IL1RL1: variants seen among roughly 807,000 people sequenced by gnomAD.
The protein encoded by IL1RL1 is interleukin 1 receptor like 1.
Under a neutral mutation model 50.9 loss-of-function variants are expected in IL1RL1, and 32 were observed. That is an observed-to-expected ratio of 0.63 (90% CI 0.47 to 0.84). The LOEUF (loss-of-function observed/expected upper bound fraction) is 0.84, where lower values mean the gene tolerates loss of function less well. Ranked by LOEUF, IL1RL1 falls within the 40% of genes least tolerant of loss-of-function variation. The probability of loss-of-function intolerance (pLI) is 0.00; values close to 1 mark genes in which losing one functional copy is unlikely to be tolerated. For missense variants in IL1RL1, 773 were observed against 662.9 expected (o/e 1.17, Z -1.82); for synonymous variants, 275 against 236.0 (o/e 1.17, Z -1.51).
At chr2:102,311,953 A>T (rs1380730392) in intron 1 of IL1RL1, among the ~76,000 whole-genome samples, 2 of 35,718 alleles carry the variant, frequency 5.6e-5, no homozygotes, top group Admixed American at 4.3e-4. Context: ...ATTATATATA[A>T]TATATATTAT....
At chr2:102,341,326 T>G in intron 5 of IL1RL1, 1 of 1,239,890 alleles carries the variant, frequency 8.1e-7, no homozygotes, top group Non-Finnish European at 1.0e-6. Context: ...AATCTTTGTT[T>G]GCAATACTTT....
At chr2:102,345,017 A>G (rs1677728532) in intron 8 of IL1RL1, 2 of 952,078 alleles carry the variant, frequency 2.1e-6, no homozygotes, top group Non-Finnish European at 2.5e-6. Context: ...TCTTTTTTAT[A>G]TATAAATAAT....
chr2:102,333,033 G>A (rs1204721148), intron 1 of IL1RL1, among the ~76,000 whole-genome samples: 2 of 152,114 alleles, frequency 1.3e-5, no homozygotes, highest in African/African-American at 4.8e-5. Flanking sequence ...GGTTGGAGGG[G>A]AGGGGTCAGA....
At chr2:102,336,617 TC>T (rs1446169746) in intron 1 of IL1RL1, among the ~76,000 whole-genome samples, 1 of 152,058 alleles carries the variant, frequency 6.6e-6, no homozygotes, top group African/African-American at 2.4e-5. Context: ...TCTTTGTCAC[TC>T]CCCTTGAGGG....
intron 10 of IL1RL1, among the ~76,000 whole-genome samples, chr2:102,350,288 C>G (rs1677891857): frequency 6.6e-6 from 1 of 152,256 alleles, no homozygotes; most frequent in Admixed American, 6.5e-5. Context: ...TGTGCCACAT[C>G]TGGCCACAAG....
chr2:102,342,277 T>C lies in IL1RL1; in HGVS notation c.665T>C (p.Ile222Thr). The change falls in exon 6 of 11, where the codon ATA becomes ACA. Residue 222 changes from isoleucine to threonine, a missense_variant. By Grantham distance (89) the Ile-to-Thr change is moderately conservative. Coordinates refer to ENST00000233954, the MANE Select transcript of IL1RL1 (RefSeq NM_016232.5). ...ATCGGAGCCCCTGCACAAAATGAAA[T>C]AAAGGAAGTGGAAATTGGTAAGAAA... is the stretch of plus-strand genomic sequence containing the variant. Reference protein sequence around the residue: ...PVIGAPAQNEIKEVEIGKNAN... With the variant: ...PVIGAPAQNETKEVEIGKNAN... 1.9e-6 allele frequency: 3 copies of C among 1,610,302 alleles called. No homozygotes were observed. The highest frequency in any genetic ancestry group is 2.5e-6 in the Non-Finnish European group (3 of 1,176,738).
chr2:102,348,073 C>T lies in IL1RL1; in HGVS notation c.1099C>T (p.Pro367Ser), dbSNP rs201256810. ...ATLLWRDIAK[P>S]YKTRNDGKLY... ...TCTGCTCTGGAGAGACATAGCTAAACCTTACAAGACTAGGAATGGTAAGTG... is the reference window on the plus strand; with the variant it reads ...TCTGCTCTGGAGAGACATAGCTAAATCTTACAAGACTAGGAATGGTAAGTG... The change falls in exon 9 of 11, where the codon CCT becomes TCT. Residue 367 changes from proline to serine, a missense_variant. Physicochemically the swap from Pro to Ser is moderately conservative, Grantham distance 74. Transcript: ENST00000233954. 2 of 1,611,214 alleles carry T rather than the reference C, an allele frequency of 1.2e-6. No homozygotes were observed. Among genetic ancestry groups the T allele is most frequent in the Non-Finnish European group, 1.7e-6 (2 of 1,178,916 alleles).
intron 1 of IL1RL1, among the ~76,000 whole-genome samples, chr2:102,319,677 G>T (rs1676780349): frequency 6.6e-6 from 1 of 152,072 alleles, no homozygotes; most frequent in Non-Finnish European, 1.5e-5. Flanking sequence ...AGTATCTTTT[G>T]TATCTCTCGC....
In IL1RL1 at chr2:102,351,771, G is replaced by T. The variant is rs138992262; in HGVS notation, c.1521G>T (p.Gln507His). The T allele has an allele frequency of 8.0e-4, 1,299 of 1,614,084 alleles. 5 individuals carry two copies. The highest frequency in any genetic ancestry group is 2.5e-3 in the Middle Eastern group (15 of 6,062). ...CCCTCCAGCATCTTATGAAAGTACA[G>T]GGGACCATCAAGTGGAGGGAGGACC... ...QDSLQHLMKV[Q>H]GTIKWREDHI... Residue 507 changes from glutamine (Q) to histidine (H), a missense_variant, in exon 11 of 11, where the codon CAG becomes CAT. Physicochemically the swap from Gln to His is conservative, Grantham distance 24. Coordinates refer to ENST00000233954, the MANE Select transcript of IL1RL1 (RefSeq NM_016232.5).
chr2:102,313,360 CTG>C (rs1187271914), intron 1 of IL1RL1: 1 of 152,152 alleles, frequency 6.6e-6, no homozygotes, highest in Non-Finnish European at 1.5e-5. Flanking sequence ...AGATATGCTG[CTG>C]TGACTGCTGA....
intron 8 of IL1RL1, 87 bp from the exon 9 acceptor site, chr2:102,347,858 T>C (rs994849058): frequency 1.8e-5 from 13 of 738,220 alleles, no homozygotes; most frequent in African/African-American, 1.8e-4. Flanking sequence ...GAAATTCTTG[T>C]ACTCCCAAGG....
chr2:102,340,834 C>A lies in IL1RL1; in HGVS notation c.610+6C>A. ...CAGGTCCTTCACGGTCAAGGGTAAG[C>A]TACTGACATTAATGAGATAGAATAC... is the stretch of plus-strand genomic sequence containing the variant. On this transcript the variant is annotated splice_donor_region_variant and intron_variant, in intron 5 of 10. Transcript: ENST00000233954. 6.4e-7 allele frequency: 1 copy of A among 1,562,120 alleles called. No individual in the cohort carries two copies. The highest frequency in any genetic ancestry group is 8.6e-7 in the Non-Finnish European group (1 of 1,162,366).
At chr2:102,323,904 C>A (rs1300551934) in intron 1 of IL1RL1, among the ~76,000 whole-genome samples, 2 of 152,158 alleles carry the variant, frequency 1.3e-5, no homozygotes, top group Non-Finnish European at 2.9e-5. Flanking sequence ...TAGGTACCCA[C>A]TCACTGGCCT....
rs138892317 is a variant in IL1RL1 at position 102,349,148 on chromosome 2, G to T, written c.1187G>T (p.Arg396Leu). 15 of 1,613,094 alleles carry T rather than the reference G, an allele frequency of 9.3e-6. No individual in the cohort carries two copies. Among genetic ancestry groups the T allele is most frequent in the South Asian group, 7.7e-5 (7 of 91,064 alleles). The change falls in exon 10 of 11, where the codon CGT (arginine) becomes CTT (leucine). Residue 396 changes from arginine (R) to leucine (L), a missense_variant. By Grantham distance (102) the Arg-to-Leu change is moderately radical (BLOSUM62 -2). Coordinates refer to ENST00000233954, the MANE Select transcript of IL1RL1 (RefSeq NM_016232.5). ...AAATCCAGTACAGATGGGGCCAGTC[G>T]TGTAGAGCACTTTGTTCACCAGATT... ...NYKSSTDGASRVEHFVHQILP... is the reference protein window; with the variant it reads ...NYKSSTDGASLVEHFVHQILP...
intron 1 of IL1RL1, among the ~76,000 whole-genome samples, chr2:102,322,342 T>A (rs2104964773): frequency 6.6e-6 from 1 of 152,286 alleles, no homozygotes; most frequent in Admixed American, 6.5e-5. Flanking sequence ...CCCTTAATCT[T>A]ATATGGAAAA....
intron 1 of IL1RL1, among the ~76,000 whole-genome samples, chr2:102,326,479 T>C (rs13005688): frequency 0.48 from 72,107 of 151,130 alleles, 17,498 homozygotes; most frequent in Middle Eastern, 0.63. Flanking sequence ...ATCATAATGA[T>C]AGGATCAAAT....
Position 102,346,355 on chromosome 2 carries a change from C to T in IL1RL1, c.971-1590C>T, listed in dbSNP as rs182823905. Among the ~76,000 whole-genome samples the T allele has an allele frequency of 1.5e-3, 236 of 152,278 alleles. 1 individual carries two copies. Among genetic ancestry groups the T allele is most frequent in the Middle Eastern group, 6.8e-3 (2 of 294 alleles). On this transcript the variant is annotated intron_variant, in intron 8 of 10. Coordinates refer to ENST00000233954, the MANE Select transcript of IL1RL1 (RefSeq NM_016232.5). ...AAGACAAAGAAAGTTGAATAACTTG[C>T]GAAATACTACAGTTATGGAGCAAGG...
intron 8 of IL1RL1, chr2:102,345,992 T>C: frequency 1.0e-6 from 1 of 985,252 alleles, no homozygotes; most frequent in Non-Finnish European, 1.2e-6. Context: ...TGTTTAATGA[T>C]TTTGCTCCTT....
Position 102,339,057 on chromosome 2 carries a change from A to T in IL1RL1, c.272+10A>T, listed in dbSNP as rs1450329369. ...CCTGTATTGTCAGAAGGTATTATGCAGAAGGCTCCCATCTTCTTTCACCCT... is the reference window on the plus strand; with the variant it reads ...CCTGTATTGTCAGAAGGTATTATGCTGAAGGCTCCCATCTTCTTTCACCCT... On this transcript the variant is annotated intron_variant, in intron 3 of 10. Transcript: ENST00000233954. The T allele has an allele frequency of 6.3e-7, 1 of 1,589,308 alleles. No homozygotes were observed. The highest frequency in any genetic ancestry group is 1.7e-5 in the Admixed American group (1 of 59,910).
Sources: gnomAD v4.1 joint callset for allele counts (sites outside exome capture counted in the v4.1 genomes callset) on GRCh38, gnomAD v4.1.1 for gene constraint, MANE v1.5 for transcripts, NCBI Gene and HGNC (gene_info 2026-07-23, HGNC 2026-07-21) for gene names.